SNRPN: variants seen among roughly 807,000 people sequenced by gnomAD.
SNRPN encodes the protein small nuclear ribonucleoprotein-associated protein N.
A neutral mutation model predicts 25.2 loss-of-function variants in SNRPN; 7 were observed. The observed-to-expected ratio is 0.28, with a 90% CI of 0.16 to 0.52. The LOEUF is 0.52. Ranked by LOEUF, SNRPN falls within the 20% of genes least tolerant of loss-of-function variation. The probability of loss-of-function intolerance (pLI) is 0.96; values close to 1 mark genes in which losing one functional copy is unlikely to be tolerated. For synonymous variants in SNRPN, 124 were observed against 110.6 expected, an observed-to-expected ratio of 1.12 and a Z score of -0.76; for missense variants, 196 against 322.5, an observed-to-expected ratio of 0.61 and a Z score of 3.00.
At chr15:24,894,379 T>C (rs1224227344) in intron 2 of SNRPN, among the ~76,000 whole-genome samples, 4 of 152,222 alleles carry the variant, frequency 2.6e-5, no homozygotes, top group African/African-American at 7.2e-5. Context: ...CCACCACGCC[T>C]GGCTAATTTT....
chr15:24,949,335 C>T (rs2554430), intron 3 of SNRPN, among the ~76,000 whole-genome samples: 72,417 of 151,704 alleles, frequency 0.48, 18,397 homozygotes, highest in African/African-American at 0.65. Flanking sequence ...ATTTGCCAAT[C>T]CTTAACAGAA....
upstream of SNRPN, among the ~76,000 whole-genome samples, chr15:24,853,724 A>G (rs2053109576): frequency 6.6e-6 from 1 of 152,160 alleles, no homozygotes; most frequent in South Asian, 2.1e-4. Context: ...TACACAGGGA[A>G]ATTGCCATTC....
intron 1 of SNRPN, among the ~76,000 whole-genome samples, chr15:24,866,962 A>C (rs1286585067): frequency 6.6e-6 from 1 of 152,124 alleles, no homozygotes; most frequent in African/African-American, 2.4e-5. Flanking sequence ...TATGTTTGCT[A>C]TTGTGAACAA....
At chr15:24,950,088 T>A (rs1467577050), upstream of SNRPN, among the ~76,000 whole-genome samples, 1 of 152,174 alleles carries the variant, frequency 6.6e-6, no homozygotes, top group Non-Finnish European at 1.5e-5. Context: ...TCCAAAAGTG[T>A]TGGGACTGCA....
At chr15:24,909,045 C>T (rs2059040094) in intron 2 of SNRPN, 7 of 1,422,388 alleles carry the variant, frequency 4.9e-6, no homozygotes, top group Non-Finnish European at 5.9e-6. Context: ...TTTTTAACTT[C>T]TTTCTTGGGC....
intron 1 of SNRPN, among the ~76,000 whole-genome samples, chr15:24,863,291 G>A (rs2054177074): frequency 6.6e-6 from 1 of 150,666 alleles, no homozygotes; most frequent in Non-Finnish European, 1.5e-5. Context: ...CACAGGGTGA[G>A]AGCAGCCTCA....
intron 3 of SNRPN, among the ~76,000 whole-genome samples, chr15:24,970,707 G>A (rs955038110): frequency 1.3e-5 from 2 of 152,112 alleles, no homozygotes; most frequent in Admixed American, 6.6e-5. Flanking sequence ...ACTTTTAAAC[G>A]TTTTTGTTAC....
At chr15:24,887,740 G>T (rs142245709) in intron 2 of SNRPN, among the ~76,000 whole-genome samples, 1 of 152,172 alleles carries the variant, frequency 6.6e-6, no homozygotes, top group African/African-American at 2.4e-5. Flanking sequence ...GAGGCCTCTT[G>T]TTCCTTGAAA....
intron 3 of SNRPN, chr15:24,920,629 A>G (rs2075814): frequency 0.1 from 15,587 of 152,196 alleles, 992 homozygotes; most frequent in East Asian, 0.32. Flanking sequence ...GCTGAAGCCC[A>G]GTTTCAATAT....
intron 1 of SNRPN, among the ~76,000 whole-genome samples, chr15:24,959,890 G>GTA: frequency 1.3e-5 from 2 of 152,244 alleles, no homozygotes; most frequent in Middle Eastern, 6.8e-3. Context: ...CTTAGCCCTC[G>GTA]TATATGCCAG....
At chr15:24,908,849 C>T in intron 2 of SNRPN, 1 of 594,234 alleles carries the variant, frequency 1.7e-6, no homozygotes, top group South Asian at 2.6e-5. Context: ...GCTTTTTAAT[C>T]TTTTTTTCTT....
At chr15:24,895,594 T>C (rs561885383) in intron 2 of SNRPN, among the ~76,000 whole-genome samples, 1 of 152,208 alleles carries the variant, frequency 6.6e-6, no homozygotes, top group South Asian at 2.1e-4. Context: ...CTGCTGGTCA[T>C]TTAACACCCA....
chr15:24,909,649 T>G, intron 2 of SNRPN: 1 of 1,227,098 alleles, frequency 8.1e-7, no homozygotes, highest in Non-Finnish European at 1.2e-6. Context: ...AAATGATATC[T>G]CTGTTTGTTA....
At chr15:24,858,631 TA>T (rs113103103) in intron 1 of SNRPN, among the ~76,000 whole-genome samples, 344 of 144,052 alleles carry the variant, frequency 2.4e-3, no homozygotes, top group African/African-American at 4.9e-3. Context: ...CCTGTCTACT[TA>T]AAAAAAAAAA....
At chr15:24,859,539 C>T (rs1242050716) in intron 1 of SNRPN, among the ~76,000 whole-genome samples, 1 of 152,046 alleles carries the variant, frequency 6.6e-6, no homozygotes, top group African/African-American at 2.4e-5. Context: ...TGTGAGAAAC[C>T]AACAGACTAA....
chr15:24,885,838 CACTT>C (rs1265277640), intron 1 of SNRPN, among the ~76,000 whole-genome samples: 2 of 152,046 alleles, frequency 1.3e-5, no homozygotes, highest in Admixed American at 6.6e-5. Flanking sequence ...ATATAAAACA[CACTT>C]ACACACAGCT....
intron 2 of SNRPN, among the ~76,000 whole-genome samples, chr15:24,840,688 C>T (rs1486295302): frequency 6.6e-6 from 1 of 152,190 alleles, no homozygotes; most frequent in Non-Finnish European, 1.5e-5. Context: ...GCGACCTAAC[C>T]AGCTGCCAGG....
intron 2 of SNRPN, among the ~76,000 whole-genome samples, chr15:24,913,947 C>T (rs1290531226): frequency 6.6e-6 from 1 of 152,086 alleles, no homozygotes; most frequent in African/African-American, 2.4e-5. Context: ...GGGGTGACAA[C>T]TTACGGAAAG....
upstream of SNRPN, among the ~76,000 whole-genome samples, chr15:24,953,009 C>G (rs28623527): frequency 6.0e-3 from 919 of 152,276 alleles, 10 homozygotes; most frequent in African/African-American, 0.021. Context: ...AAGTAGTACT[C>G]TAACATTTGG....
Sources: allele counts gnomAD v4.1 joint callset (sites outside exome capture counted in the v4.1 genomes callset), GRCh38; gene constraint gnomAD v4.1.1; transcripts MANE v1.5; gene names NCBI Gene and HGNC (gene_info 2026-07-23, HGNC 2026-07-21).